The following SERINC5 variants were observed in gnomAD, a reference collection of about 807,000 sequenced individuals.
SERINC5 encodes serine incorporator 5, also known as chromosome 5 open reading frame 12.
A neutral mutation model predicts 63.1 loss-of-function variants in SERINC5; 41 were observed. The observed-to-expected ratio is 0.65, with a 90% confidence interval of 0.51 to 0.84. SERINC5 has a LOEUF of 0.84. Ranked by LOEUF, SERINC5 falls within the 40% of genes least tolerant of loss-of-function variation. The pLI is 0.00. For synonymous variants in SERINC5, 222 were observed against 215.2 expected (o/e 1.03, Z -0.28); for missense variants, 523 against 573.0 (o/e 0.91, Z 0.89).
intron 11 of SERINC5, among the ~76,000 whole-genome samples, chr5:80,127,528 A>G (rs1426605394): frequency 1.3e-5 from 2 of 152,224 alleles, no homozygotes; most frequent in South Asian, 2.1e-4. Context: ...CTTAGCCGAC[A>G]CTGACTGATA....
Position 80,255,954 on chromosome 5 carries a change from G to T in SERINC5, c.-32C>A. The T allele has an allele frequency of 2.6e-6, 4 of 1,520,224 alleles. No individual in the cohort carries two copies. The highest frequency in any genetic ancestry group is 3.5e-6 in the Non-Finnish European group (4 of 1,142,460). The allele number at this position is 1,520,224 out of a possible 1,614,324, so 94.2% of individuals were successfully genotyped here. ...GGCCAATGCCGAAGGCGCGCTCGCTGGCTCCCCGCGCCGCACGGGCCCTCC... is the reference window on the plus strand; with the variant it reads ...GGCCAATGCCGAAGGCGCGCTCGCTTGCTCCCCGCGCCGCACGGGCCCTCC... On this transcript the variant is annotated 5_prime_UTR_variant, in exon 1 of 12. Coordinates refer to ENST00000507668, the MANE Select transcript of SERINC5 (RefSeq NM_001174072.3).
At chr5:80,174,885 G>C in intron 5 of SERINC5, 69 bp downstream of exon 5, 1 of 1,045,082 alleles carries the variant, frequency 9.6e-7, no homozygotes, top group Non-Finnish European at 1.4e-6. Context: ...CAATGCAGTT[G>C]AGTACAGCCT....
intron 6 of SERINC5, among the ~76,000 whole-genome samples, chr5:80,169,121 G>T (rs2112383316): frequency 6.6e-6 from 1 of 152,252 alleles, no homozygotes; most frequent in Middle Eastern, 3.4e-3. Context: ...TTACGTTCAG[G>T]TCTTTCTCGA....
intron 3 of SERINC5, 111 bp downstream of exon 3, chr5:80,177,775 T>C: frequency 1.2e-6 from 1 of 852,530 alleles, no homozygotes; most frequent in Non-Finnish European, 1.8e-6. Context: ...AATCAACAAT[T>C]TCAACTAGAA....
intron 6 of SERINC5, among the ~76,000 whole-genome samples, chr5:80,167,594 T>C (rs144207271): frequency 6.6e-6 from 1 of 152,288 alleles, no homozygotes; most frequent in Admixed American, 6.5e-5. Context: ...AGTAATGAGA[T>C]TGCTGGACCT....
chr5:80,248,442 A>C (rs1752252543), intron 1 of SERINC5, among the ~76,000 whole-genome samples: 1 of 152,196 alleles, frequency 6.6e-6, no homozygotes, highest in Admixed American at 6.5e-5. Context: ...GGTGGGATGG[A>C]GTGAGGTTTC....
At chr5:80,232,361 A>G (rs1489874821) in intron 1 of SERINC5, among the ~76,000 whole-genome samples, 1 of 151,122 alleles carries the variant, frequency 6.6e-6, no homozygotes, top group African/African-American at 2.4e-5. Context: ...CTGAGATCAC[A>G]CCACTGCACT....
chr5:80,246,955 G>A (rs1463993602), intron 1 of SERINC5, among the ~76,000 whole-genome samples: 1 of 152,158 alleles, frequency 6.6e-6, no homozygotes, highest in Non-Finnish European at 1.5e-5. Flanking sequence ...ACTGTTCTCA[G>A]GATCCAATCA....
intron 7 of SERINC5, among the ~76,000 whole-genome samples, chr5:80,165,373 TTC>T (rs1181844075): frequency 6.6e-6 from 1 of 152,212 alleles, no homozygotes; most frequent in Non-Finnish European, 1.5e-5. Flanking sequence ...ACAACTTCAA[TTC>T]TCTTAGACAC....
intron 1 of SERINC5, among the ~76,000 whole-genome samples, chr5:80,242,166 A>T (rs1751968950): frequency 6.6e-6 from 1 of 152,088 alleles, no homozygotes; most frequent in Non-Finnish European, 1.5e-5. Flanking sequence ...AAACAAAACA[A>T]AAAGGCAAAG....
chr5:80,202,469 A>AG (rs1749905907), intron 2 of SERINC5, among the ~76,000 whole-genome samples: 1 of 152,088 alleles, frequency 6.6e-6, no homozygotes, highest in Admixed American at 6.6e-5. Context: ...GGGGCTGGGA[A>AG]GGGGGTGGAT....
intron 1 of SERINC5, among the ~76,000 whole-genome samples, chr5:80,227,937 A>G (rs1485236136): frequency 6.6e-6 from 1 of 151,268 alleles, no homozygotes; most frequent in Admixed American, 6.6e-5. Flanking sequence ...AAGTACAGAC[A>G]CTTGGCCTGC....
intron 8 of SERINC5, among the ~76,000 whole-genome samples, chr5:80,156,279 C>A (rs890359875): frequency 2.0e-5 from 3 of 152,194 alleles, no homozygotes; most frequent in African/African-American, 4.8e-5. Flanking sequence ...ACCTTTCATT[C>A]CTCTGAGTCA....
At chr5:80,210,700 A>T (rs1457629801) in intron 1 of SERINC5, among the ~76,000 whole-genome samples, 1 of 152,188 alleles carries the variant, frequency 6.6e-6, no homozygotes, top group Admixed American at 6.5e-5. Flanking sequence ...TCACAGTTCC[A>T]AAGGCCTGAC....
In SERINC5 at chr5:80,229,050, T is replaced by TGGGGGAGGG. The variant is rs1174325559; in HGVS notation, c.28-25998_28-25997insCCCTCCCCC. Among the ~76,000 whole-genome samples, 771 of 94,164 alleles carry TGGGGGAGGG rather than the reference T, an allele frequency of 8.2e-3. 129 individuals are homozygous for TGGGGGAGGG. The highest frequency in any genetic ancestry group is 0.029 in the African/African-American group (739 of 25,620). The allele number at this position is 94,164 out of a possible 152,430, so 61.8% of individuals were successfully genotyped here. The stretch of plus-strand genomic sequence containing the variant: ...TTTTTTTTTTTTTTTTTTTTTTTTT[T>TGGGGGAGGG]GGGGATGGAGTTGCCTAGGCTGGAG... On this transcript the variant is annotated intron_variant, in intron 1 of 11. Coordinates refer to ENST00000507668, the MANE Select transcript of SERINC5 (RefSeq NM_001174072.3).
chr5:80,157,522 AT>A (rs1160332644), intron 8 of SERINC5: 685 of 112,854 alleles, frequency 6.1e-3, no homozygotes, highest in African/African-American at 0.013. Context: ...ATCACGCCTG[AT>A]TTTTTTTTTT....
At chr5:80,165,476 G>A (rs952584581) in intron 7 of SERINC5, among the ~76,000 whole-genome samples, 8 of 152,146 alleles carry the variant, frequency 5.3e-5, no homozygotes, top group African/African-American at 1.9e-4. Context: ...ATGTATGTCT[G>A]TGTATATTTA....
intron 2 of SERINC5, among the ~76,000 whole-genome samples, chr5:80,193,328 T>C (rs573731872): frequency 2.0e-5 from 3 of 152,342 alleles, no homozygotes; most frequent in East Asian, 1.9e-4. Context: ...TCCAGCCCCA[T>C]GTTTATGATG....
intron 1 of SERINC5, among the ~76,000 whole-genome samples, chr5:80,222,900 C>T (rs1187224896): frequency 1.3e-5 from 2 of 151,946 alleles, no homozygotes; most frequent in African/African-American, 2.4e-5. Context: ...CACTCTGTTG[C>T]CCAGGCTGGA....
Sources: allele counts gnomAD v4.1 joint callset (sites outside exome capture counted in the v4.1 genomes callset), GRCh38; gene constraint gnomAD v4.1.1; transcripts MANE v1.5; gene names NCBI Gene and HGNC (gene_info 2026-07-23, HGNC 2026-07-21).